ACSL3: variants seen among roughly 807,000 people sequenced by gnomAD.
The protein encoded by ACSL3 is fatty acid CoA ligase Acsl3.
In ACSL3, 34 loss-of-function variants were observed where a neutral mutation model predicts 84.7. The ratio of observed to expected loss-of-function variants is 0.40; its 90% CI spans 0.31 to 0.53. The LOEUF (loss-of-function observed/expected upper bound fraction) is 0.53, where lower values mean the gene tolerates loss of function less well. Among genes scored for constraint, ACSL3 ranks in the 20% least tolerant of loss-of-function variants. The pLI, the probability that ACSL3 is intolerant of heterozygous loss-of-function variation, is 0.48. For missense variants in ACSL3, 680 were observed against 873.1 expected, an observed-to-expected ratio of 0.78 and a Z score of 2.79; for synonymous variants, 315 against 299.4, an observed-to-expected ratio of 1.05 and a Z score of -0.54.
At chr2:222,910,113 T>C (rs1696405308) in intron 4 of ACSL3, among the ~76,000 whole-genome samples, 1 of 152,232 alleles carries the variant, frequency 6.6e-6, no homozygotes, top group Non-Finnish European at 1.5e-5. Context: ...CTCTAGCTTT[T>C]ATTATTAGAT....
chr2:222,884,647 A>G (rs933650636), intron 1 of ACSL3, among the ~76,000 whole-genome samples: 1 of 152,140 alleles, frequency 6.6e-6, no homozygotes, highest in Non-Finnish European at 1.5e-5. Flanking sequence ...TCTATTTATA[A>G]GGACATTTGT....
At chr2:222,894,300 T>C (rs1695916774) in intron 2 of ACSL3, among the ~76,000 whole-genome samples, 1 of 152,210 alleles carries the variant, frequency 6.6e-6, no homozygotes, top group Non-Finnish European at 1.5e-5. Context: ...TCTCAAATAA[T>C]AGAGGTCATA....
intron 1 of ACSL3, among the ~76,000 whole-genome samples, chr2:222,887,443 G>A (rs1021612265): frequency 6.6e-5 from 10 of 152,154 alleles, no homozygotes; most frequent in Non-Finnish European, 1.5e-5. Context: ...TAAATACCAA[G>A]CACTGTGGTT....
rs767390909 is a variant in ACSL3, at chr2:222,918,135, C to G, written c.646C>G (p.Leu216Val). The G allele has an allele frequency of 1.4e-5, 22 of 1,609,758 alleles. No homozygotes were observed. The highest frequency in any genetic ancestry group is 1.6e-5 in the Non-Finnish European group (19 of 1,177,196). Residue 216 changes from leucine (L) to valine (V), a missense_variant, in exon 6 of 17, where the codon CTC (leucine) becomes GTC (valine). By Grantham distance (32) the Leu-to-Val change is conservative. Coordinates refer to ENST00000357430, the MANE Select transcript of ACSL3 (RefSeq NM_004457.5). Reference protein sequence around the residue: ...EVTNIITSKELLQTKLKDIVS... With the variant: ...EVTNIITSKEVLQTKLKDIVS... ...GACCAACATCATTACTAGTAAAGAA[C>G]TCTTACAAACAAAGTTGAAGGTGAG...
In ACSL3 at chr2:222,930,775, T is replaced by G. The variant is rs1403588304; in HGVS notation, c.1695T>G (p.Ile565Met). The G allele has an allele frequency of 6.2e-7, 1 of 1,613,384 alleles. No individual in the cohort carries two copies. The highest frequency in any genetic ancestry group is 8.5e-7 in the Non-Finnish European group (1 of 1,179,704). ...NGQRWLCTGD[I>M]GEFEPDGCLK... ...AAAGGTGGCTCTGTACTGGGGATATTGGAGAGTTTGAACCCGATGGATGCT... is the reference window on the plus strand; with the variant it reads ...AAAGGTGGCTCTGTACTGGGGATATGGGAGAGTTTGAACCCGATGGATGCT... The change falls in exon 14 of 17, where the codon ATT becomes ATG. Residue 565 changes from isoleucine (I) to methionine (M), a missense_variant. By Grantham distance (10) the Ile-to-Met change is conservative (BLOSUM62 1). Around this residue, in one of 2 missense-constraint regions of ACSL3, gnomAD observed 347 missense variants for 525.7 expected, o/e 0.66. Coordinates refer to ENST00000357430, the MANE Select transcript of ACSL3 (RefSeq NM_004457.5).
intron 2 of ACSL3, among the ~76,000 whole-genome samples, chr2:222,892,364 T>A (rs1438812538): frequency 6.6e-6 from 1 of 152,110 alleles, no homozygotes; most frequent in African/African-American, 2.4e-5. Flanking sequence ...TTTTATTATG[T>A]GTTTAGCTTT....
At chr2:222,915,354 G>A (rs1376226636) in intron 4 of ACSL3, among the ~76,000 whole-genome samples, 1 of 152,144 alleles carries the variant, frequency 6.6e-6, no homozygotes, top group African/African-American at 2.4e-5. Flanking sequence ...CTAGATGGCA[G>A]CATTTATCCT....
intron 8 of ACSL3, among the ~76,000 whole-genome samples, chr2:222,922,354 C>G (rs1012382381): frequency 6.6e-6 from 1 of 152,118 alleles, no homozygotes; most frequent in African/African-American, 2.4e-5. Context: ...TTCAAAAGAA[C>G]CCTGTATTAT....
chr2:222,933,557 G>T (rs1028896352), intron 15 of ACSL3: 5 of 245,926 alleles, frequency 2.0e-5, no homozygotes, highest in African/African-American at 9.0e-5. Context: ...TGCTGCCTTG[G>T]TACCCCTACC....
At chr2:222,924,089 C>T (rs1412479599) in intron 10 of ACSL3, among the ~76,000 whole-genome samples, 2 of 152,206 alleles carry the variant, frequency 1.3e-5, no homozygotes, top group African/African-American at 4.8e-5. Flanking sequence ...AAAACCATTT[C>T]AGACGGTTGT....
At chr2:222,873,782 A>G (rs756507375) in intron 1 of ACSL3, among the ~76,000 whole-genome samples, 11 of 152,194 alleles carry the variant, frequency 7.2e-5, no homozygotes, top group African/African-American at 1.2e-4. Context: ...CCATTTCCCA[A>G]TTATTAGATT....
At chr2:222,883,498 T>A (rs913879801) in intron 1 of ACSL3, among the ~76,000 whole-genome samples, 3 of 152,190 alleles carry the variant, frequency 2.0e-5, no homozygotes, top group Admixed American at 1.3e-4. Flanking sequence ...TTTGTTTTTT[T>A]AGGAAGATTT....
intron 1 of ACSL3, among the ~76,000 whole-genome samples, chr2:222,883,167 G>GTTTTTTTTTTTT (rs71408541): frequency 7.4e-6 from 1 of 135,844 alleles, no homozygotes; most frequent in African/African-American, 2.7e-5. Context: ...TTTGCTTTCT[G>GTTTTTTTTTTTT]TTTTTTTTTT....
In ACSL3 at chr2:222,941,800, AT is replaced by A; in HGVS notation, c.*148del. 2.3e-6 allele frequency: 2 copies of A among 876,388 alleles called. No individual in the cohort carries two copies. Among genetic ancestry groups the A allele is most frequent in the Non-Finnish European group, 3.2e-6 (2 of 619,522 alleles). 54.3% of individuals were successfully genotyped at this position (876,388 alleles called of 1,614,324 possible). A position where few individuals can be genotyped will look rare whatever the true frequency, so the allele number is the denominator to read the frequency against. On this transcript the variant is annotated 3_prime_UTR_variant, in exon 17 of 17. Coordinates refer to ENST00000357430, the MANE Select transcript of ACSL3 (RefSeq NM_004457.5). The stretch of plus-strand genomic sequence containing the variant: ...GACGTCACCATTTTTAACTGACAGG[AT>A]TAGTAAAACATTAAGACAGCAAACT...
intron 3 of ACSL3, among the ~76,000 whole-genome samples, chr2:222,904,140 G>A (rs918320255): frequency 2.0e-5 from 3 of 152,116 alleles, no homozygotes; most frequent in Non-Finnish European, 2.9e-5. Context: ...GCGTGATGGT[G>A]CATGCCTGTA....
At chr2:222,920,662 C>CT (rs142788194) in intron 7 of ACSL3, among the ~76,000 whole-genome samples, 11,272 of 152,088 alleles carry the variant, frequency 0.074, 511 homozygotes, top group Middle Eastern at 0.13. Context: ...CCAAAGTGAT[C>CT]TTTTTTTTCA....
At chr2:222,899,854 A>G (rs1178093109) in intron 2 of ACSL3, among the ~76,000 whole-genome samples, 1 of 152,178 alleles carries the variant, frequency 6.6e-6, no homozygotes, top group Non-Finnish European at 1.5e-5. Context: ...TTCTCCAGAT[A>G]TCGGGATATC....
chr2:222,920,369 C>T (rs1696699920), intron 7 of ACSL3, among the ~76,000 whole-genome samples: 1 of 152,164 alleles, frequency 6.6e-6, no homozygotes, highest in South Asian at 2.1e-4. Flanking sequence ...CAATGCCAAC[C>T]ATGACCTATT....
Position 222,897,919 on chromosome 2 carries a change from A to G in ACSL3, c.-147-2755A>G, listed in dbSNP as rs185344728. 6.1e-3 allele frequency among the ~76,000 whole-genome samples: 667 copies of G among 109,666 alleles called. 179 individuals carry two copies. The highest frequency in any genetic ancestry group is 0.012 in the Non-Finnish European group (527 of 45,098). The allele number at this position is 109,666 out of a possible 152,430, so 71.9% of individuals were successfully genotyped here. A position where few individuals can be genotyped will look rare whatever the true frequency, so the allele number is the denominator to read the frequency against. ...CATCAGAGGGAGACCGTGGAGAGGG[A>G]GAGGGGGAGGGGGAGGGGGAGGGGG... On this transcript the variant is annotated intron_variant, in intron 2 of 16. Transcript: ENST00000357430.
Sources: allele counts gnomAD v4.1 joint callset (sites outside exome capture counted in the v4.1 genomes callset), GRCh38; gene constraint gnomAD v4.1.1; regional missense constraint gnomAD v4.1.1; transcripts MANE v1.5; gene names NCBI Gene and HGNC (gene_info 2026-07-23, HGNC 2026-07-21).